LRRC37A2: variants seen among roughly 807,000 people sequenced by gnomAD.
LRRC37A2 encodes leucine-rich repeat-containing protein 37A2.
LRRC37A2 carries 9 observed loss-of-function variants against 68.8 expected under a neutral mutation model. The ratio of observed to expected loss-of-function variants is 0.13; its 90% confidence interval spans 0.08 to 0.23. The LOEUF (loss-of-function observed/expected upper bound fraction) is 0.23. Ranked by LOEUF, LRRC37A2 falls within the 10% of genes least tolerant of loss-of-function variation. LRRC37A2 has a pLI of 1.00. For synonymous variants in LRRC37A2, 63 were observed against 367.6 expected (o/e 0.17, Z 9.48); for missense variants, 168 against 950.4 (o/e 0.18, Z 10.82).
the LRRC37A2 span, among the ~76,000 whole-genome samples, chr17:47,040,378 T>G: frequency 6.6e-6 from 1 of 151,856 alleles, no homozygotes; most frequent in Non-Finnish European, 1.5e-5. Context: ...GGCCATACTT[T>G]GTTTCCTTGC....
At chr17:46,864,879 G>T in the LRRC37A2 span, among the ~76,000 whole-genome samples, 1 of 152,170 alleles carries the variant, frequency 6.6e-6, no homozygotes, top group African/African-American at 2.4e-5. Flanking sequence ...ACAGCCTCCA[G>T]GACACCTTCC....
chr17:46,935,726 A>G, the LRRC37A2 span: 2 of 988,176 alleles, frequency 2.0e-6, no homozygotes, highest in Non-Finnish European at 1.2e-6. Flanking sequence ...TTCACTCCCT[A>G]GCCTTAGGTA....
At chr17:46,828,927 T>C in the LRRC37A2 span, among the ~76,000 whole-genome samples, 1 of 151,990 alleles carries the variant, frequency 6.6e-6, no homozygotes, top group Non-Finnish European at 1.5e-5. Flanking sequence ...CTCCAACCTG[T>C]GTGACAGAGT....
At chr17:46,553,800 C>T (rs2057070465) in intron 12 of LRRC37A2, 1 of 276,334 alleles carries the variant, frequency 3.6e-6, no homozygotes, top group Non-Finnish European at 5.2e-6. Context: ...CTAACAAGGA[C>T]ACACCTGCTG....
the LRRC37A2 span, among the ~76,000 whole-genome samples, chr17:46,807,445 G>A: frequency 2.0e-5 from 3 of 152,178 alleles, no homozygotes; most frequent in African/African-American, 4.8e-5. Flanking sequence ...TCATGCTACT[G>A]CACTCCAGCC....
At chr17:46,938,668 G>A in the LRRC37A2 span, 19 of 1,613,906 alleles carry the variant, frequency 1.2e-5, no homozygotes, top group East Asian at 1.8e-4. Context: ...GCGGCTCATC[G>A]AGAAGCGGGC....
the LRRC37A2 span, among the ~76,000 whole-genome samples, chr17:46,835,281 G>T: frequency 6.6e-6 from 1 of 151,746 alleles, no homozygotes; most frequent in African/African-American, 2.4e-5. Flanking sequence ...GCACAATCCC[G>T]GCTCACTGCA....
At chr17:46,809,992 TTTTC>T in the LRRC37A2 span, among the ~76,000 whole-genome samples, 9 of 149,622 alleles carry the variant, frequency 6.0e-5, no homozygotes, top group East Asian at 7.9e-4. Flanking sequence ...TCCTCTCCTC[TTTTC>T]TTTCTTTCTT....
At chr17:46,766,989 G>A in the LRRC37A2 span, among the ~76,000 whole-genome samples, 8 of 152,156 alleles carry the variant, frequency 5.3e-5, no homozygotes, top group Non-Finnish European at 8.8e-5. Flanking sequence ...TGGGTCACAC[G>A]GTTGGCAAGT....
chr17:46,979,872 A>C, the LRRC37A2 span, among the ~76,000 whole-genome samples: 1 of 119,872 alleles, frequency 8.3e-6, no homozygotes, highest in Non-Finnish European at 1.9e-5. Flanking sequence ...CTAAAACTTT[A>C]TAATCTGCCT....
At chr17:46,856,719 G>A in the LRRC37A2 span, among the ~76,000 whole-genome samples, 1 of 152,002 alleles carries the variant, frequency 6.6e-6, no homozygotes, top group Non-Finnish European at 1.5e-5. Context: ...CCTGACCTCA[G>A]GTGATCCACC....
the LRRC37A2 span, chr17:46,979,047 T>A: frequency 1.3e-5 from 17 of 1,349,232 alleles, no homozygotes; most frequent in African/African-American, 1.5e-5. Context: ...CAGTCCCGGG[T>A]GCACTGGGCT....
chr17:46,882,373 G>A, the LRRC37A2 span, among the ~76,000 whole-genome samples: 2 of 152,162 alleles, frequency 1.3e-5, no homozygotes, highest in African/African-American at 2.4e-5. Flanking sequence ...TCGTTTCCTT[G>A]TACTTGGATT....
At chr17:46,813,470 C>T in the LRRC37A2 span, among the ~76,000 whole-genome samples, 33 of 20,068 alleles carry the variant, frequency 1.6e-3, no homozygotes, top group African/African-American at 3.8e-3. Flanking sequence ...TAACCTTTGG[C>T]GGGGGGTGGG....
the LRRC37A2 span, among the ~76,000 whole-genome samples, chr17:46,962,190 G>A: frequency 2.0e-4 from 31 of 152,086 alleles, no homozygotes; most frequent in Non-Finnish European, 3.7e-4. Flanking sequence ...TTAGCCGGGC[G>A]TGATGGCATG....
chr17:46,558,836 CTTTTTTTTTTTTTT>C (rs765462293), downstream of LRRC37A2: 1 of 71,838 alleles, frequency 1.4e-5, no homozygotes, highest in Admixed American at 1.5e-4. Context: ...CTCTTTTATT[CTTTTTTTTTTTTTT>C]TTTTTTTTTT....
At chr17:46,878,302 T>C in the LRRC37A2 span, among the ~76,000 whole-genome samples, 1 of 152,192 alleles carries the variant, frequency 6.6e-6, no homozygotes, top group Non-Finnish European at 1.5e-5. Flanking sequence ...CAGAATCAGC[T>C]GAATGCTCAG....
At chr17:46,984,324 G>A in the LRRC37A2 span, among the ~76,000 whole-genome samples, 8 of 151,888 alleles carry the variant, frequency 5.3e-5, no homozygotes, top group African/African-American at 1.7e-4. Flanking sequence ...GTTGGGGGTG[G>A]GGTTGGGGGT....
intron 3 of LRRC37A2, among the ~76,000 whole-genome samples, chr17:46,519,788 T>TG (rs1232450584): frequency 2.7e-5 from 4 of 149,668 alleles, no homozygotes; most frequent in Non-Finnish European, 5.9e-5. Context: ...GTTTTTTTGA[T>TG]GGGGGGAAAA....
Sources: allele counts gnomAD v4.1 joint callset (sites outside exome capture counted in the v4.1 genomes callset), GRCh38; gene constraint gnomAD v4.1.1; transcripts MANE v1.5; gene names NCBI Gene and HGNC (gene_info 2026-07-23, HGNC 2026-07-21).